Variants in UNC13C observed in about 807,000 individuals in gnomAD.
UNC13C encodes the protein unc-13 homolog C, also known as protein unc-13 homolog C.
In UNC13C, 174 loss-of-function variants were observed where a neutral mutation model predicts 245.4. That is an observed-to-expected ratio of 0.71 (90% CI 0.63 to 0.80). The LOEUF (loss-of-function observed/expected upper bound fraction) is 0.80. UNC13C is among the 30% of genes least tolerant of loss of function. The pLI, the probability that UNC13C is intolerant of heterozygous loss-of-function variation, is 0.00. For missense variants in UNC13C, 2,829 were observed against 2,602.9 expected (o/e 1.09, Z -1.89); for synonymous variants, 992 against 895.1 (o/e 1.11, Z -1.93).
chr15:54,277,703 A>C (rs1439711080), intron 10 of UNC13C, among the ~76,000 whole-genome samples: 5 of 152,224 alleles, frequency 3.3e-5, no homozygotes, highest in African/African-American at 9.6e-5. Flanking sequence ...ATTTAATTTT[A>C]AGCAATTATT....
intron 32 of UNC13C, 91 bp from the exon 33 acceptor site, chr15:54,626,737 T>TA (rs1160516117): frequency 9.0e-7 from 1 of 1,110,312 alleles, no homozygotes; most frequent in African/African-American, 1.6e-5. Context: ...TCAGATCCAA[T>TA]GTATACAGTT....
the UNC13C span, among the ~76,000 whole-genome samples, chr15:53,864,199 A>C: frequency 6.6e-6 from 1 of 152,192 alleles, no homozygotes. Context: ...ATTCAAGCAG[A>C]ATTTTATTGA....
intron 17 of UNC13C, among the ~76,000 whole-genome samples, chr15:54,353,502 G>C (rs2039028999): frequency 2.0e-5 from 3 of 152,116 alleles, no homozygotes; most frequent in Admixed American, 2.0e-4. Flanking sequence ...GTAGTACCTA[G>C]AATTCTATAG....
chr15:54,511,890 T>A, intron 24 of UNC13C, 60 bp downstream of exon 24: 3 of 1,213,156 alleles, frequency 2.5e-6, no homozygotes, highest in Non-Finnish European at 3.6e-6. Context: ...TAGCAGCATA[T>A]CTCTTGCTAT....
intron 8 of UNC13C, among the ~76,000 whole-genome samples, chr15:54,254,307 C>G (rs2036225175): frequency 6.6e-6 from 1 of 152,192 alleles, no homozygotes; most frequent in Admixed American, 6.5e-5. Context: ...TTTTCCTGGA[C>G]TCAACCTTAT....
At chr15:54,317,074 G>C (rs567552111) in intron 13 of UNC13C, among the ~76,000 whole-genome samples, 1 of 151,962 alleles carries the variant, frequency 6.6e-6, no homozygotes. Context: ...GAAAAAAATG[G>C]TTAAATACTA....
intron 2 of UNC13C, among the ~76,000 whole-genome samples, chr15:54,134,456 ACATATAT>A (rs2031623188): frequency 6.6e-6 from 1 of 151,930 alleles, no homozygotes; most frequent in East Asian, 1.9e-4. Flanking sequence ...GTGTGTATAC[ACATATAT>A]ACACATAACA....
At chr15:54,411,736 G>A (rs2040420495) in intron 18 of UNC13C, among the ~76,000 whole-genome samples, 1 of 152,036 alleles carries the variant, frequency 6.6e-6, no homozygotes, top group Non-Finnish European at 1.5e-5. Context: ...TACAAGTAAT[G>A]TTTGTTCTTT....
intron 10 of UNC13C, among the ~76,000 whole-genome samples, chr15:54,286,658 C>T (rs772399110): frequency 1.3e-5 from 2 of 151,992 alleles, no homozygotes; most frequent in African/African-American, 4.8e-5. Flanking sequence ...CTAGGAGACT[C>T]TATATCTGAA....
chr15:53,865,747 G>C, the UNC13C span, among the ~76,000 whole-genome samples: 3 of 151,902 alleles, frequency 2.0e-5, no homozygotes, highest in Admixed American at 6.6e-5. Flanking sequence ...ATCATACACT[G>C]TATTTTAATA....
intron 30 of UNC13C, among the ~76,000 whole-genome samples, chr15:54,579,675 C>T (rs551323317): frequency 2.0e-5 from 3 of 152,268 alleles, no homozygotes; most frequent in African/African-American, 7.2e-5. Context: ...AGAAGAATGG[C>T]TTGAACCTGG....
At chr15:53,935,914 G>A in the UNC13C span, among the ~76,000 whole-genome samples, 1 of 152,164 alleles carries the variant, frequency 6.6e-6, no homozygotes, top group Non-Finnish European at 1.5e-5. Context: ...ACTCCAGCAC[G>A]CACAGAAACC....
At chr15:54,052,710 A>G (rs772286293) in intron 2 of UNC13C, among the ~76,000 whole-genome samples, 1 of 152,238 alleles carries the variant, frequency 6.6e-6, no homozygotes, top group Non-Finnish European at 1.5e-5. Flanking sequence ...AATTTGTTTT[A>G]TAAGTTGTTT....
chr15:53,876,874 C>T, the UNC13C span, among the ~76,000 whole-genome samples: 3 of 152,088 alleles, frequency 2.0e-5, no homozygotes, highest in African/African-American at 7.2e-5. Context: ...ATTTCTCTTT[C>T]CAGAGATAAC....
intron 2 of UNC13C, among the ~76,000 whole-genome samples, chr15:54,066,585 C>T (rs79118320): frequency 6.6e-6 from 1 of 152,190 alleles, no homozygotes; most frequent in Non-Finnish European, 1.5e-5. Context: ...AGAGAGCACT[C>T]CTCCGTTGAG....
intron 25 of UNC13C, 54 bp downstream of exon 25, chr15:54,525,691 G>A: frequency 7.0e-7 from 1 of 1,432,636 alleles, no homozygotes; most frequent in Admixed American, 1.9e-5. Context: ...GTCAGTTCAT[G>A]ATATTCTTGC....
At chr15:54,113,270 C>T (rs2141179028) in intron 2 of UNC13C, among the ~76,000 whole-genome samples, 1 of 152,252 alleles carries the variant, frequency 6.6e-6, no homozygotes, top group East Asian at 1.9e-4. Context: ...ACTGCATCCC[C>T]TCTGTGTAGC....
chr15:54,074,896 G>A (rs980093660), intron 2 of UNC13C, among the ~76,000 whole-genome samples: 1 of 124,838 alleles, frequency 8.0e-6, no homozygotes, highest in Non-Finnish European at 1.9e-5. Context: ...GCCCTGGCCA[G>A]AACTTCCAAT....
At chr15:53,897,182 C>A in the UNC13C span, among the ~76,000 whole-genome samples, 1 of 152,168 alleles carries the variant, frequency 6.6e-6, no homozygotes, top group Non-Finnish European at 1.5e-5. Flanking sequence ...AGGACTTGGT[C>A]TTTCTTATCT....
Sources: allele counts gnomAD v4.1 joint callset (sites outside exome capture counted in the v4.1 genomes callset), GRCh38; gene constraint gnomAD v4.1.1; transcripts MANE v1.5; gene names NCBI Gene and HGNC (gene_info 2026-07-23, HGNC 2026-07-21).